OR9Q1: variants seen among roughly 807,000 people sequenced by gnomAD.
The protein encoded by OR9Q1 is olfactory receptor 9Q1.
For synonymous variants in OR9Q1, 153 were observed against 148.6 expected, an observed-to-expected ratio of 1.03 and a Z score of -0.22; for missense variants, 374 against 378.8, an observed-to-expected ratio of 0.99 and a Z score of 0.11.
intron 2 of OR9Q1, among the ~76,000 whole-genome samples, chr11:58,140,254 G>A (rs1487555206): frequency 6.6e-6 from 1 of 152,030 alleles, no homozygotes; most frequent in Non-Finnish European, 1.5e-5. Context: ...CACTCTGATG[G>A]TGGTTTCTTT....
At chr11:58,128,263 A>G (rs1854108231) in intron 2 of OR9Q1, among the ~76,000 whole-genome samples, 1 of 151,186 alleles carries the variant, frequency 6.6e-6, no homozygotes. Context: ...CTAAAAAAAA[A>G]AAAAAAAGAA....
At chr11:58,026,598 C>G (rs931010021) in intron 1 of OR9Q1, 3 of 147,336 alleles carry the variant, frequency 2.0e-5, no homozygotes, top group African/African-American at 7.5e-5. Flanking sequence ...AGGAGAATCA[C>G]TTGAACCTAG....
At chr11:58,034,916 C>T (rs1405366231) in intron 1 of OR9Q1, among the ~76,000 whole-genome samples, 6 of 151,054 alleles carry the variant, frequency 4.0e-5, no homozygotes, top group Non-Finnish European at 2.9e-5. Context: ...CAACCTCCAC[C>T]TCTTGGACTT....
chr11:58,151,156 C>T (rs903216658), intron 2 of OR9Q1, among the ~76,000 whole-genome samples: 3 of 152,246 alleles, frequency 2.0e-5, no homozygotes, highest in Admixed American at 2.0e-4. Flanking sequence ...TCCCTAGCAT[C>T]GTTTGTTGAA....
At chr11:58,045,531 G>C (rs1043517315) in intron 1 of OR9Q1, among the ~76,000 whole-genome samples, 1 of 152,170 alleles carries the variant, frequency 6.6e-6, no homozygotes, top group African/African-American at 2.4e-5. Context: ...ACCACGCCTG[G>C]CCATAATGAT....
At chr11:58,164,551 G>A (rs1854484148) in intron 2 of OR9Q1, among the ~76,000 whole-genome samples, 2 of 152,162 alleles carry the variant, frequency 1.3e-5, no homozygotes, top group South Asian at 4.1e-4. Flanking sequence ...TTCAGGTGAG[G>A]AAACTGATCA....
In OR9Q1 at chr11:58,180,153, T is replaced by C; in HGVS notation, c.709T>C (p.Phe237Leu). The C allele has an allele frequency of 6.2e-7, 1 of 1,614,078 alleles. No individual in the cohort carries two copies. The highest frequency in any genetic ancestry group is 8.5e-7 in the Non-Finnish European group (1 of 1,179,972). Reference sequence around the variant, plus strand: ...CCCTGCTGGAAGCCAGGCCAAGACCTTCTCCACCTGCACCTCCCACCTCAC... The same window carrying C: ...CCCTGCTGGAAGCCAGGCCAAGACCCTCTCCACCTGCACCTCCCACCTCAC... Reference protein sequence around the residue: ...GIPAGSQAKTFSTCTSHLTAV... With the variant: ...GIPAGSQAKTLSTCTSHLTAV... The change falls in exon 3 of 3, where the codon TTC becomes CTC. Residue 237 changes from phenylalanine (F) to leucine (L), a missense_variant. Phe to Leu is a conservative substitution (Grantham distance 22). Transcript: ENST00000335397.
chr11:58,179,438 T>A lies in OR9Q1; in HGVS notation c.-7T>A, dbSNP rs1854637606. On this transcript the variant is annotated 5_prime_UTR_variant, in exon 3 of 3. Transcript: ENST00000335397. ...CCATTCTACATGTCTCAGGGACCAC[T>A]GGTGTCATGGCAGAGATGAACCTCA... 1 of 1,546,450 alleles carries A rather than the reference T, an allele frequency of 6.5e-7. No homozygotes were observed. The highest frequency in any genetic ancestry group is 8.7e-7 in the Non-Finnish European group (1 of 1,144,700).
At chr11:58,175,234 C>T (rs1321934275) in intron 2 of OR9Q1, among the ~76,000 whole-genome samples, 3 of 150,316 alleles carry the variant, frequency 2.0e-5, no homozygotes, top group Non-Finnish European at 3.0e-5. Context: ...AAGAGAAATA[C>T]AAACAAAAGA....
intron 2 of OR9Q1, among the ~76,000 whole-genome samples, chr11:58,115,231 G>A (rs1256325827): frequency 6.6e-6 from 1 of 152,088 alleles, no homozygotes. Flanking sequence ...ATATACGTAT[G>A]CACTGTAGAA....
At chr11:58,160,518 G>GT (rs2119922412) in intron 2 of OR9Q1, among the ~76,000 whole-genome samples, 1 of 152,148 alleles carries the variant, frequency 6.6e-6, no homozygotes, top group Admixed American at 6.5e-5. Flanking sequence ...GGAGTACAGT[G>GT]GCATGATCAT....
chr11:58,179,004 A>G (rs566355090), intron 2 of OR9Q1, among the ~76,000 whole-genome samples: 1 of 87,764 alleles, frequency 1.1e-5, no homozygotes, highest in Non-Finnish European at 2.3e-5. Flanking sequence ...GAGAGAGAGA[A>G]AGAAAGAAAG....
chr11:58,031,065 T>A (rs1853028168), intron 1 of OR9Q1: 1 of 1,613,768 alleles, frequency 6.2e-7, no homozygotes, highest in African/African-American at 1.3e-5. Context: ...ACCATGTACC[T>A]GTTCACCTTG....
chr11:58,056,071 T>G (rs1285326013), intron 2 of OR9Q1, 124 bp downstream of exon 2: 1 of 152,200 alleles, frequency 6.6e-6, no homozygotes, highest in African/African-American at 2.4e-5. Context: ...TTTGACTTTA[T>G]TTCTAAAACT....
intron 1 of OR9Q1, chr11:58,047,395 A>G (rs2119956538): frequency 6.6e-6 from 1 of 152,320 alleles, no homozygotes; most frequent in South Asian, 2.1e-4. Flanking sequence ...CTCTGAAGTC[A>G]AAGTGTCCAA....
chr11:58,065,359 A>C (rs1312570063), intron 2 of OR9Q1, among the ~76,000 whole-genome samples: 1 of 148,280 alleles, frequency 6.7e-6, no homozygotes, highest in Admixed American at 6.7e-5. Context: ...TGATGAGTAG[A>C]GGCAAAAGAC....
chr11:58,060,890 T>A (rs1853374740), intron 2 of OR9Q1, among the ~76,000 whole-genome samples: 4 of 152,140 alleles, frequency 2.6e-5, no homozygotes. Context: ...CCCTGATCCC[T>A]GCTCCTCAAG....
At chr11:58,147,432 C>T (rs1186718145) in intron 2 of OR9Q1, among the ~76,000 whole-genome samples, 1 of 152,244 alleles carries the variant, frequency 6.6e-6, no homozygotes, top group East Asian at 1.9e-4. Flanking sequence ...CCTTACTGGG[C>T]TGCTTCTGTG....
intron 1 of OR9Q1, among the ~76,000 whole-genome samples, chr11:58,054,560 C>G (rs1853308762): frequency 6.6e-6 from 1 of 152,168 alleles, no homozygotes; most frequent in Non-Finnish European, 1.5e-5. Context: ...CTCATTACTC[C>G]AAGTGCATGA....
Sources: allele counts gnomAD v4.1 joint callset (sites outside exome capture counted in the v4.1 genomes callset), GRCh38; gene constraint gnomAD v4.1.1; transcripts MANE v1.5; gene names NCBI Gene and HGNC (gene_info 2026-07-23, HGNC 2026-07-21).